Variants in RANBP3 observed in about 807,000 individuals in gnomAD.
RANBP3 encodes the protein ran-binding protein 3.
A neutral mutation model predicts 77.3 loss-of-function variants in RANBP3; 14 were observed. The ratio of observed to expected loss-of-function variants is 0.18; its 90% CI spans 0.12 to 0.28. The LOEUF is 0.28. RANBP3 is among the 10% of genes least tolerant of loss of function. The pLI, the probability that RANBP3 is intolerant of heterozygous loss-of-function variation, is 1.00. For synonymous variants in RANBP3, 315 were observed against 312.4 expected (o/e 1.01, Z -0.09); for missense variants, 586 against 752.3 (o/e 0.78, Z 2.59).
chr19:5,947,457 T>C (rs2058221064), intron 3 of RANBP3, among the ~76,000 whole-genome samples: 1 of 152,078 alleles, frequency 6.6e-6, no homozygotes, highest in Non-Finnish European at 1.5e-5. Context: ...CTCCTCCACT[T>C]TTCCCAAACT....
chr19:5,927,367 C>T (rs1270368627), intron 9 of RANBP3, among the ~76,000 whole-genome samples: 3 of 152,176 alleles, frequency 2.0e-5, no homozygotes, highest in African/African-American at 7.2e-5. Context: ...TGTCACCCCA[C>T]CCTGCCCCAC....
chr19:5,942,565 G>T (rs1048112206), intron 3 of RANBP3, among the ~76,000 whole-genome samples: 3 of 152,070 alleles, frequency 2.0e-5, no homozygotes, highest in African/African-American at 7.2e-5. Context: ...AAGTAGCTGG[G>T]CGTGGTGGTG....
intron 2 of RANBP3, among the ~76,000 whole-genome samples, chr19:5,956,047 C>T (rs2058331694): frequency 1.3e-5 from 2 of 152,040 alleles, no homozygotes; most frequent in Non-Finnish European, 2.9e-5. Flanking sequence ...TTCAAGACTG[C>T]AGTGAATTAT....
Position 5,952,393 on chromosome 19 carries a change from C to T in RANBP3, c.79-797G>A, listed in dbSNP as rs759654481. Among the ~76,000 whole-genome samples, 12 of 152,318 alleles carry T rather than the reference C, an allele frequency of 7.9e-5. No individual in the cohort carries two copies. The highest frequency in any genetic ancestry group is 7.8e-4 in the Admixed American group (12 of 15,308). ...CCGGTTCCAGAAGTCTTCCTCCCCA[C>T]AGTACAACACCCAGCATCCTTTAAG... On this transcript the variant is annotated intron_variant, in intron 2 of 16. Transcript: ENST00000340578. This position sits in a 1 kb window ranked among gnomAD's most constrained non-coding sequence, Gnocchi z 4.1.
At position 5,925,631 on chromosome 19, in the gene RANBP3, C is replaced by T. The variant is rs1179885597; in HGVS notation, c.917+3G>A. The T allele has an allele frequency of 9.3e-6, 15 of 1,613,652 alleles. No homozygotes were observed. Among genetic ancestry groups the T allele is most frequent in the Non-Finnish European group, 1.2e-5 (14 of 1,179,798 alleles). On this transcript the variant is annotated splice_donor_region_variant and intron_variant, in intron 10 of 16. Coordinates refer to ENST00000340578, the MANE Select transcript of RANBP3 (RefSeq NM_007322.3). Reference sequence around the variant, plus strand: ...GGCTGGCCGCTGACACCGAGACACACACCTGGAACTGATATACTGGAGGAA... The same window carrying T: ...GGCTGGCCGCTGACACCGAGACACATACCTGGAACTGATATACTGGAGGAA...
chr19:5,951,577 T>G lies in RANBP3; in HGVS notation c.98A>C (p.Asn33Thr). The part of the protein sequence containing the change: ...KGQKSPAEQK[N>T]LSDSGEEPRG... The stretch of plus-strand genomic sequence containing the variant: ...AGGCTCCTCTCCCGAATCCGACAAG[T>G]TTTTTTGCTCTGCAGGGGACTGGGA... The change falls in exon 3 of 17, where the codon AAC (asparagine) becomes ACC (threonine). Residue 33 changes from asparagine (N) to threonine (T), a missense_variant. By Grantham distance (65) the Asn-to-Thr change is moderately conservative. Coordinates refer to ENST00000340578, the MANE Select transcript of RANBP3 (RefSeq NM_007322.3). 1 of 1,612,984 alleles carries G rather than the reference T, an allele frequency of 6.2e-7. No homozygotes were observed. Among genetic ancestry groups the G allele is most frequent in the Non-Finnish European group, 8.5e-7 (1 of 1,179,554 alleles).
Position 5,917,360 on chromosome 19 carries a change from A to C in RANBP3, c.*250T>G. ...AAGTCTTAATGTGCCATTTCAATTC[A>C]AAGGAGGGGAGGGAGGAAATGTTCT... On this transcript the variant is annotated 3_prime_UTR_variant, in exon 17 of 17. Transcript: ENST00000340578. The C allele has an allele frequency of 1.9e-6, 1 of 528,752 alleles. No individual in the cohort carries two copies. Among genetic ancestry groups the C allele is most frequent in the South Asian group, 2.7e-5 (1 of 37,128 alleles). 32.8% of individuals were successfully genotyped at this position (528,752 alleles called of 1,614,324 possible).
chr19:5,921,447 T>C lies in RANBP3; in HGVS notation c.1210-126A>G. 1 of 1,282,400 alleles carries C rather than the reference T, an allele frequency of 7.8e-7. No individual in the cohort carries two copies. The highest frequency in any genetic ancestry group is 1.1e-6 in the Non-Finnish European group (1 of 934,974). 79.4% of individuals were successfully genotyped at this position (1,282,400 alleles called of 1,614,324 possible). ...AGCCAACGACGGCCTGGGGGCCACC[T>C]TGGTCAGTTTTTTGTCCTGCCCTCA... is the stretch of plus-strand genomic sequence containing the variant. On this transcript the variant is annotated intron_variant, in intron 13 of 16. Transcript: ENST00000340578. This position sits in a 1 kb window ranked among gnomAD's most constrained non-coding sequence, Gnocchi z 5.3.
chr19:5,941,887 C>A (rs768547677), intron 3 of RANBP3, 52 bp from the exon 4 acceptor site: 18 of 1,606,176 alleles, frequency 1.1e-5, no homozygotes, highest in African/African-American at 1.3e-5. Flanking sequence ...CTCACGGCAG[C>A]CGAGCAACTC....
chr19:5,949,951 G>T (rs1431328926), intron 3 of RANBP3, among the ~76,000 whole-genome samples: 1 of 152,194 alleles, frequency 6.6e-6, no homozygotes, highest in African/African-American at 2.4e-5. Flanking sequence ...TCTGCAGCTG[G>T]AGAGTCCTAT....
chr19:5,954,777 G>GAC (rs1187449763), intron 2 of RANBP3, among the ~76,000 whole-genome samples: 1 of 152,176 alleles, frequency 6.6e-6, no homozygotes, highest in Non-Finnish European at 1.5e-5. Context: ...CCTCACTTCT[G>GAC]ACACACACTG....
intron 3 of RANBP3, among the ~76,000 whole-genome samples, chr19:5,946,179 C>T (rs1185610611): frequency 6.6e-6 from 1 of 152,212 alleles, no homozygotes; most frequent in African/African-American, 2.4e-5. Flanking sequence ...CAGCCCCTCT[C>T]GGGAGCTACC....
chr19:5,950,993 T>C (rs914325437), intron 3 of RANBP3: 3 of 268,132 alleles, frequency 1.1e-5, no homozygotes, highest in African/African-American at 7.0e-5. Flanking sequence ...CCTTAGCTTC[T>C]TGGGTTTCTA....
intron 10 of RANBP3, 124 bp from the exon 11 acceptor site, chr19:5,925,029 A>T: frequency 1.2e-6 from 1 of 863,288 alleles, no homozygotes; most frequent in East Asian, 2.4e-5. Context: ...GCCACTGTGC[A>T]CGGGGTGGCG....
intron 14 of RANBP3, among the ~76,000 whole-genome samples, chr19:5,919,117 T>A (rs1036088546): frequency 1.3e-5 from 2 of 151,926 alleles, no homozygotes; most frequent in African/African-American, 4.8e-5. Flanking sequence ...CTCCCCTGAG[T>A]GGGCCAGCCC....
Position 5,923,991 on chromosome 19 carries a change from C to A in RANBP3, c.997-77G>T, listed in dbSNP as rs560966135. The stretch of plus-strand genomic sequence containing the variant: ...GCAGCAGCTCTGAGCACCTCTCTGC[C>A]TGGCCCCCAACACTACGCTGCCCCC... On this transcript the variant is annotated intron_variant, in intron 11 of 16. Coordinates refer to ENST00000340578, the MANE Select transcript of RANBP3 (RefSeq NM_007322.3). 97 of 1,169,672 alleles carry A rather than the reference C, an allele frequency of 8.3e-5. No homozygotes were observed. In the African/African-American group the frequency reaches 1.4e-3, roughly 17 times the overall value. The allele number at this position is 1,169,672 out of a possible 1,614,324, so 72.5% of individuals were successfully genotyped here.
At chr19:5,969,063 A>G (rs1024907322) in intron 1 of RANBP3, among the ~76,000 whole-genome samples, 3 of 152,188 alleles carry the variant, frequency 2.0e-5, no homozygotes, top group African/African-American at 7.2e-5. Context: ...GGGGACCCCA[A>G]GTCAAAGGTT....
chr19:5,936,193 C>T (rs538946365), intron 5 of RANBP3, among the ~76,000 whole-genome samples: 4 of 152,336 alleles, frequency 2.6e-5, no homozygotes, highest in South Asian at 2.1e-4. Flanking sequence ...TGTGCGTGGA[C>T]GGCGCTGGTG....
intron 11 of RANBP3, 82 bp from the exon 12 acceptor site, chr19:5,923,996 C>T: frequency 1.8e-6 from 2 of 1,092,052 alleles, no homozygotes; most frequent in Non-Finnish European, 1.4e-6. Flanking sequence ...TCTGCCTGGC[C>T]CCCAACACTA....
Sources: allele counts gnomAD v4.1 joint callset (sites outside exome capture counted in the v4.1 genomes callset), GRCh38; gene constraint gnomAD v4.1.1; non-coding constraint Gnocchi (gnomAD v3.1); transcripts MANE v1.5; gene names NCBI Gene and HGNC (gene_info 2026-07-23, HGNC 2026-07-21).